DCC: variants seen among roughly 807,000 people sequenced by gnomAD.
DCC encodes the protein netrin receptor DCC.
DCC carries 58 observed loss-of-function variants against 172.5 expected under a neutral mutation model. The ratio of observed to expected loss-of-function variants is 0.34; its 90% confidence interval spans 0.27 to 0.42. DCC has a LOEUF of 0.42. Ranked by LOEUF, DCC falls within the 10% of genes least tolerant of loss-of-function variation. DCC has a pLI of 1.00. For synonymous variants in DCC, 709 were observed against 644.5 expected (o/e 1.10, Z -1.52); for missense variants, 1,740 against 1,791.0 (o/e 0.97, Z 0.51).
intron 1 of DCC, among the ~76,000 whole-genome samples, chr18:52,667,740 G>A (rs574774104): frequency 6.6e-6 from 1 of 152,310 alleles, no homozygotes; most frequent in South Asian, 2.1e-4. Context: ...GCTGGAGGGT[G>A]AGCAGATTGT....
At chr18:52,505,320 A>T (rs2031190538) in intron 1 of DCC, among the ~76,000 whole-genome samples, 1 of 152,190 alleles carries the variant, frequency 6.6e-6, no homozygotes, top group East Asian at 1.9e-4. Context: ...AATGAAGATG[A>T]TTCCTATTTC....
chr18:53,157,312 T>A, intron 7 of DCC, 44 bp from the exon 8 acceptor site: 1 of 1,613,206 alleles, frequency 6.2e-7, no homozygotes, highest in Non-Finnish European at 8.5e-7. Context: ...AATTCTTACC[T>A]ATGGCAGCGA....
chr18:53,386,903 C>A (rs1189690970), intron 16 of DCC, among the ~76,000 whole-genome samples: 1 of 152,116 alleles, frequency 6.6e-6, no homozygotes, highest in African/African-American at 2.4e-5. Context: ...TATTCAGAGT[C>A]CCTGGAAAGT....
chr18:53,221,089 G>GTTTTTTTTTTTTAATAGA (rs2055925716), intron 12 of DCC, among the ~76,000 whole-genome samples: 1 of 151,944 alleles, frequency 6.6e-6, no homozygotes. Flanking sequence ...CTTCCATCCT[G>GTTTTTTTTTTTTAATAGA]TCTTTTTACT....
rs532828855 is a variant in DCC, at chr18:53,429,384, C to T, written c.3164-5760C>T. Among the ~76,000 whole-genome samples, 10 of 142,030 alleles carry T rather than the reference C, an allele frequency of 7.0e-5. No homozygotes were observed. The South Asian group carries it at 1.3e-3, about 19-fold the overall frequency. The allele number at this position is 142,030 out of a possible 152,430, so 93.2% of individuals were successfully genotyped here. A position where few individuals can be genotyped will look rare whatever the true frequency, so the allele number is the denominator to read the frequency against. The stretch of plus-strand genomic sequence containing the variant: ...TTTGTTTAAATTTGTCTAGGATACC[C>T]ACAGTTTCTATTTTGTATCCTGGTA... On this transcript the variant is annotated intron_variant, in intron 21 of 28. Coordinates refer to ENST00000442544, the MANE Select transcript of DCC (RefSeq NM_005215.4).
chr18:52,894,534 TA>T (rs1466493028), intron 2 of DCC, among the ~76,000 whole-genome samples: 1 of 151,672 alleles, frequency 6.6e-6, no homozygotes, highest in Non-Finnish European at 1.5e-5. Flanking sequence ...TTTAGAAAGA[TA>T]AATAGAGACA....
At chr18:52,991,744 A>G (rs758031623) in intron 5 of DCC, among the ~76,000 whole-genome samples, 72 of 152,316 alleles carry the variant, frequency 4.7e-4, no homozygotes, top group Non-Finnish European at 9.1e-4. Context: ...TCCTGCTTCT[A>G]ATCTACAATG....
chr18:52,546,288 G>A (rs1477922021), intron 1 of DCC, among the ~76,000 whole-genome samples: 1 of 152,122 alleles, frequency 6.6e-6, no homozygotes, highest in Non-Finnish European at 1.5e-5. Context: ...GGGATGTGTG[G>A]ATGCCTGGGG....
At chr18:53,052,932 C>T (rs1368995549) in intron 5 of DCC, among the ~76,000 whole-genome samples, 3 of 152,020 alleles carry the variant, frequency 2.0e-5, no homozygotes, top group African/African-American at 4.8e-5. Flanking sequence ...CACTTGAGGT[C>T]AGGAGTTTGA....
intron 12 of DCC, among the ~76,000 whole-genome samples, chr18:53,270,739 C>T (rs578018737): frequency 2.0e-5 from 3 of 152,024 alleles, no homozygotes; most frequent in Non-Finnish European, 4.4e-5. Flanking sequence ...AGGGCCCTAA[C>T]CTATGTAGAT....
intron 1 of DCC, among the ~76,000 whole-genome samples, chr18:52,405,748 A>G (rs1986622889): frequency 6.6e-6 from 1 of 151,674 alleles, no homozygotes; most frequent in African/African-American, 2.4e-5. Flanking sequence ...CATACTGCCC[A>G]AGGTAATTTA....
chr18:53,116,360 T>C (rs528209779), intron 7 of DCC, among the ~76,000 whole-genome samples: 2 of 151,786 alleles, frequency 1.3e-5, no homozygotes, highest in Non-Finnish European at 3.0e-5. Context: ...CTTATGTAAA[T>C]GGAGAGGAAG....
intron 15 of DCC, among the ~76,000 whole-genome samples, chr18:53,366,630 C>T (rs2058007460): frequency 6.6e-6 from 1 of 152,108 alleles, no homozygotes; most frequent in African/African-American, 2.4e-5. Context: ...AAGAAATTTT[C>T]CATGGATTGT....
At chr18:53,267,655 G>A (rs1262165006) in intron 12 of DCC, among the ~76,000 whole-genome samples, 15 of 151,940 alleles carry the variant, frequency 9.9e-5, no homozygotes, top group East Asian at 3.9e-4. Context: ...TTGTACAGAC[G>A]GGGTCACACC....
intron 15 of DCC, among the ~76,000 whole-genome samples, chr18:53,344,673 G>A (rs1434237496): frequency 2.0e-5 from 3 of 151,604 alleles, no homozygotes. Flanking sequence ...AACTCCTGAT[G>A]TCATGATCCA....
At chr18:53,139,496 T>C (rs2043798614) in intron 7 of DCC, among the ~76,000 whole-genome samples, 2 of 152,194 alleles carry the variant, frequency 1.3e-5, no homozygotes, top group Admixed American at 6.5e-5. Flanking sequence ...TTTGTTTGGT[T>C]GGATTTTTTT....
chr18:53,094,543 G>A (rs1383501143), intron 7 of DCC, among the ~76,000 whole-genome samples: 1 of 152,124 alleles, frequency 6.6e-6, no homozygotes, highest in African/African-American at 2.4e-5. Context: ...TCTTAAATTT[G>A]GACTGCAAAT....
At chr18:53,200,752 A>C (rs1406317719) in intron 9 of DCC, among the ~76,000 whole-genome samples, 1 of 152,132 alleles carries the variant, frequency 6.6e-6, no homozygotes, top group Non-Finnish European at 1.5e-5. Flanking sequence ...TGATTCTCAG[A>C]GTCATGGTCA....
intron 25 of DCC, among the ~76,000 whole-genome samples, chr18:53,471,765 T>C (rs955186473): frequency 6.6e-6 from 1 of 152,198 alleles, no homozygotes; most frequent in African/African-American, 2.4e-5. Context: ...CAGGTCTCTA[T>C]TCAACTACCA....
Sources: gnomAD v4.1 joint callset for allele counts (sites outside exome capture counted in the v4.1 genomes callset) on GRCh38, gnomAD v4.1.1 for gene constraint, MANE v1.5 for transcripts, NCBI Gene and HGNC (gene_info 2026-07-23, HGNC 2026-07-21) for gene names.